Variants in NPHP1 observed in about 807,000 individuals in gnomAD.
The protein encoded by NPHP1 is nephrocystin 1, also known as nephrocystin-1.
NPHP1 carries 70 observed loss-of-function variants against 90.4 expected under a neutral mutation model. The observed-to-expected ratio is 0.77, with a 90% CI of 0.64 to 0.95. The LOEUF is 0.95. Ranked by LOEUF, NPHP1 falls within the 40% of genes least tolerant of loss-of-function variation. The pLI, the probability that NPHP1 is intolerant of heterozygous loss-of-function variation, is 0.00. For synonymous variants in NPHP1, 256 were observed against 271.7 expected, an observed-to-expected ratio of 0.94 and a Z score of 0.57; for missense variants, 764 against 795.9, an observed-to-expected ratio of 0.96 and a Z score of 0.48.
intron 2 of NPHP1, chr2:110,184,889 A>C: frequency 1.4e-6 from 1 of 694,542 alleles, no homozygotes; most frequent in Non-Finnish European, 2.7e-6. Context: ...CAGGGAGGAG[A>C]GTGAAGGCAT....
At chr2:110,173,954 CTTTT>C (rs1165592758) in intron 4 of NPHP1, among the ~76,000 whole-genome samples, 4 of 152,004 alleles carry the variant, frequency 2.6e-5, no homozygotes, top group Non-Finnish European at 5.9e-5. Context: ...TCGACCCTTT[CTTTT>C]ATCATTATGA....
rs753861532 is a variant in NPHP1 at position 110,178,433 on chromosome 2, T to C, written c.319A>G (p.Asn107Asp). ...AGAAAGGAAGCATACTCAGTTATATTTTCTCTGCTTATTGTCACAGCAAGG... is the reference window on the plus strand; with the variant it reads ...AGAAAGGAAGCATACTCAGTTATATCTTCTCTGCTTATTGTCACAGCAAGG... The part of the protein sequence containing the change: ...QGLAVTISRE[N>D]ITEVGAPTEE... The change falls in exon 4 of 20, where the codon AAT (asparagine) becomes GAT (aspartate). Residue 107 changes from asparagine (N) to aspartate (D), a missense_variant. Transcript: ENST00000445609. 1 of 1,613,876 alleles carries C rather than the reference T, an allele frequency of 6.2e-7. No individual in the cohort carries two copies. Among genetic ancestry groups the C allele is most frequent in the Non-Finnish European group, 8.5e-7 (1 of 1,179,882 alleles).
intron 14 of NPHP1, among the ~76,000 whole-genome samples, chr2:110,145,626 A>G (rs1680984489): frequency 6.6e-6 from 1 of 152,122 alleles, no homozygotes; most frequent in African/African-American, 2.4e-5. Flanking sequence ...AAGTGGAGTC[A>G]CAGTATTCAA....
At chr2:110,148,729 T>C (rs565706847) in intron 12 of NPHP1, among the ~76,000 whole-genome samples, 6 of 152,196 alleles carry the variant, frequency 3.9e-5, no homozygotes, top group Non-Finnish European at 8.8e-5. Context: ...ATAGACATTA[T>C]AAGATATTTA....
intron 12 of NPHP1, among the ~76,000 whole-genome samples, chr2:110,148,532 T>C (rs954069144): frequency 1.3e-5 from 2 of 152,172 alleles, no homozygotes; most frequent in African/African-American, 4.8e-5. Context: ...CTTTGCATTA[T>C]AATAAAAGCC....
chr2:110,193,284 T>G (rs1364575934), intron 2 of NPHP1, among the ~76,000 whole-genome samples: 2 of 152,066 alleles, frequency 1.3e-5, no homozygotes, highest in Admixed American at 6.5e-5. Flanking sequence ...GAGACACACA[T>G]AGGCTCAAAA....
Position 110,164,622 on chromosome 2 carries a change from C to T in NPHP1, c.771+66G>A. 1 of 1,612,206 alleles carries T rather than the reference C, an allele frequency of 6.2e-7. No homozygotes were observed. The highest frequency in any genetic ancestry group is 1.1e-5 in the South Asian group (1 of 91,054). On this transcript the variant is annotated intron_variant, in intron 8 of 19. Transcript: ENST00000445609. Reference sequence around the variant, plus strand: ...CATTGGTGTCTTCCACAGTCTCCATCCTATTTCGCATCAGAACTATTAGGT... The same window carrying T: ...CATTGGTGTCTTCCACAGTCTCCATTCTATTTCGCATCAGAACTATTAGGT...
intron 16 of NPHP1, 139 bp from the exon 17 acceptor site, chr2:110,131,930 A>G (rs1679813812): frequency 1.6e-6 from 1 of 640,656 alleles, no homozygotes. Flanking sequence ...TTAAAGAAAA[A>G]TTTCTACTAC....
chr2:110,130,933 A>C (rs1197126927), intron 17 of NPHP1, among the ~76,000 whole-genome samples: 1 of 152,150 alleles, frequency 6.6e-6, no homozygotes, highest in Non-Finnish European at 1.5e-5. Flanking sequence ...TTATTCATGA[A>C]ATTATGTGTT....
intron 11 of NPHP1, among the ~76,000 whole-genome samples, chr2:110,151,168 GAAAAAAAAA>G (rs35894521): frequency 8.6e-6 from 1 of 116,478 alleles, no homozygotes; most frequent in Non-Finnish European, 1.7e-5. Flanking sequence ...TCAGTCTCAA[GAAAAAAAAA>G]AAAAAAAAAA....
Position 110,161,729 on chromosome 2 carries a change from CAAAG to C in NPHP1, c.860-36_860-33del, listed in dbSNP as rs776085416. The stretch of plus-strand genomic sequence containing the variant: ...AAATCATTTTTTCTTCATTTTCTTA[CAAAG>C]AAAGAAACTCCAAATCAAAAATCCA... On this transcript the variant is annotated intron_variant, in intron 9 of 19. Coordinates refer to ENST00000445609, the MANE Select transcript of NPHP1 (RefSeq NM_001128178.3). The C allele has an allele frequency of 2.5e-5, 38 of 1,500,886 alleles. No individual in the cohort carries two copies. The East Asian group carries it at 8.0e-4, about 31-fold the overall frequency. The allele number at this position is 1,500,886 out of a possible 1,614,324, so 93.0% of individuals were successfully genotyped here. A position where few individuals can be genotyped will look rare whatever the true frequency, so the allele number is the denominator to read the frequency against.
intron 1 of NPHP1, chr2:110,202,610 T>C (rs1685643009): frequency 3.9e-6 from 1 of 253,664 alleles, no homozygotes. Context: ...TTAATAATCA[T>C]TTTTATAGTT....
intron 5 of NPHP1, 44 bp downstream of exon 5, chr2:110,169,762 T>C (rs1682979754): frequency 7.5e-7 from 1 of 1,328,218 alleles, no homozygotes; most frequent in Admixed American, 1.7e-5. Flanking sequence ...CTGTTAGGTA[T>C]GGACATCGAC....
chr2:110,204,281 T>A (rs2104725985), intron 1 of NPHP1, among the ~76,000 whole-genome samples: 1 of 152,314 alleles, frequency 6.6e-6, no homozygotes, highest in East Asian at 1.9e-4. Context: ...ATTTTTAACA[T>A]TTTTGTGATA....
At chr2:110,164,575 G>T in intron 8 of NPHP1, 113 bp downstream of exon 8, 4 of 1,603,142 alleles carry the variant, frequency 2.5e-6, no homozygotes, top group Non-Finnish European at 3.4e-6. Flanking sequence ...TACATTCCAT[G>T]CCCTGAACCC....
intron 16 of NPHP1, among the ~76,000 whole-genome samples, chr2:110,138,733 T>C (rs1482770160): frequency 6.6e-6 from 1 of 152,108 alleles, no homozygotes; most frequent in Non-Finnish European, 1.5e-5. Context: ...ATGCCCAAAC[T>C]CAGGGCTCAT....
chr2:110,156,925 C>A (rs1223843803), intron 11 of NPHP1, among the ~76,000 whole-genome samples: 1 of 151,872 alleles, frequency 6.6e-6, no homozygotes, highest in South Asian at 2.1e-4. Context: ...TACAGGCACA[C>A]GCCACCACGT....
intron 2 of NPHP1, among the ~76,000 whole-genome samples, chr2:110,199,602 G>A (rs1003466879): frequency 6.6e-6 from 1 of 151,928 alleles, no homozygotes; most frequent in Non-Finnish European, 1.5e-5. Flanking sequence ...CAGCCTGAAC[G>A]ACAGAGTGAG....
chr2:110,151,833 G>T (rs1048168915), intron 11 of NPHP1, among the ~76,000 whole-genome samples: 3 of 151,978 alleles, frequency 2.0e-5, no homozygotes, highest in Non-Finnish European at 4.4e-5. Context: ...ACTTCTAATG[G>T]CCAAGAAGTC....
Sources: allele counts gnomAD v4.1 joint callset (sites outside exome capture counted in the v4.1 genomes callset), GRCh38; gene constraint gnomAD v4.1.1; transcripts MANE v1.5; gene names NCBI Gene and HGNC (gene_info 2026-07-23, HGNC 2026-07-21).